Variants in DZANK1 observed in about 807,000 individuals in gnomAD.
The protein encoded by DZANK1 is double zinc ribbon and ankyrin repeat domains 1, also known as double zinc ribbon and ankyrin repeat-containing protein 1.
Under a neutral mutation model 94.5 loss-of-function variants are expected in DZANK1, and 91 were observed. That is an observed-to-expected ratio of 0.96 (90% confidence interval 0.81 to 1.15). The LOEUF (loss-of-function observed/expected upper bound fraction) is 1.15. Among genes scored for constraint, DZANK1 ranks in the 50% most tolerant of loss-of-function variants. The pLI is 0.00. For synonymous variants in DZANK1, 312 were observed against 325.3 expected (o/e 0.96, Z 0.44); for missense variants, 903 against 916.4 (o/e 0.99, Z 0.19).
chr20:18,391,858 G>T (rs1320018858), intron 17 of DZANK1, among the ~76,000 whole-genome samples: 1 of 152,228 alleles, frequency 6.6e-6, no homozygotes, highest in African/African-American at 2.4e-5. Context: ...TCTTACTGAT[G>T]AATAGCTTAG....
intron 8 of DZANK1, among the ~76,000 whole-genome samples, chr20:18,438,900 G>C (rs765652965): frequency 4.9e-4 from 74 of 152,258 alleles, no homozygotes; most frequent in Non-Finnish European, 8.8e-4. Context: ...CATTCATAAG[G>C]GGTTCATCAT....
chr20:18,452,772 C>A, intron 5 of DZANK1, 33 bp from the exon 6 acceptor site: 3 of 1,528,806 alleles, frequency 2.0e-6, no homozygotes, highest in South Asian at 2.5e-5. Context: ...ATTCTTTGAG[C>A]ATCTGTAATT....
chr20:18,416,293 C>T (rs1272712558), intron 10 of DZANK1, among the ~76,000 whole-genome samples: 2 of 152,194 alleles, frequency 1.3e-5, no homozygotes, highest in Non-Finnish European at 2.9e-5. Flanking sequence ...GAGTTTCAGA[C>T]GATTACCCAC....
chr20:18,454,184 T>A (rs2059203929), intron 4 of DZANK1: 2 of 374,460 alleles, frequency 5.3e-6, no homozygotes, highest in Non-Finnish European at 1.0e-5. Flanking sequence ...ATCAGACTTC[T>A]GCACACCACC....
chr20:18,453,600 A>G (rs2059181585), intron 5 of DZANK1, 131 bp downstream of exon 5: 1 of 659,018 alleles, frequency 1.5e-6, no homozygotes, highest in Non-Finnish European at 2.7e-6. Flanking sequence ...TTCAAAGTAC[A>G]GCATACTTTC....
intron 17 of DZANK1, among the ~76,000 whole-genome samples, chr20:18,393,366 C>T (rs1050186505): frequency 2.0e-5 from 3 of 152,200 alleles, no homozygotes; most frequent in Non-Finnish European, 4.4e-5. Flanking sequence ...TCATGCTGGG[C>T]ACCAGGCCAG....
At chr20:18,424,003 A>G (rs1253366219) in intron 10 of DZANK1, among the ~76,000 whole-genome samples, 1 of 152,212 alleles carries the variant, frequency 6.6e-6, no homozygotes, top group Admixed American at 6.5e-5. Flanking sequence ...AGATCTAGCT[A>G]GATCTTGAAA....
chr20:18,423,906 A>C, intron 10 of DZANK1, among the ~76,000 whole-genome samples: 1 of 129,542 alleles, frequency 7.7e-6, no homozygotes, highest in Non-Finnish European at 1.8e-5. Context: ...AAACCCAAAG[A>C]AAAGAGAATA....
intron 17 of DZANK1, 144 bp downstream of exon 17, chr20:18,393,567 T>C (rs1030167123): frequency 8.6e-6 from 5 of 578,128 alleles, no homozygotes; most frequent in Admixed American, 3.2e-5. Context: ...TAAAGAAGTC[T>C]AAAGGACAAG....
Position 18,415,316 on chromosome 20 carries a change from A to G in DZANK1, c.1077+11T>C. 6.6e-7 allele frequency: 1 copy of G among 1,525,640 alleles called. No individual in the cohort carries two copies. The highest frequency in any genetic ancestry group is 1.4e-5 in the African/African-American group (1 of 71,310). The allele number at this position is 1,525,640 out of a possible 1,614,324, so 94.5% of individuals were successfully genotyped here. ...GCTCAGTATACAGAATCTCAGTTTT[A>G]AAATACCCACCATGGCTCCACACCA... On this transcript the variant is annotated intron_variant, in intron 11 of 20. Transcript: ENST00000262547.
intron 8 of DZANK1, among the ~76,000 whole-genome samples, chr20:18,438,226 AAAAAAAAAAAAAAGAAATAACAC>A (rs1444845069): frequency 8.9e-5 from 11 of 122,952 alleles, no homozygotes; most frequent in African/African-American, 3.0e-4. Context: ...CTCAAAAAAA[AAAAAAAAAAAAAAGAAATAACAC>A]AAAAGAAAGC....
intron 7 of DZANK1, among the ~76,000 whole-genome samples, chr20:18,447,572 C>A (rs988470590): frequency 6.6e-6 from 1 of 151,956 alleles, no homozygotes; most frequent in African/African-American, 2.4e-5. Flanking sequence ...AGGTGATCCG[C>A]CCACCTCAGC....
At chr20:18,452,630 G>A (rs754486115) in exon 6 of DZANK1, 2 of 1,592,062 alleles carry the variant, frequency 1.3e-6, no homozygotes, top group African/African-American at 2.7e-5. Context: ...ACTGGCGGGT[G>A]GGTGGTCTAG....
chr20:18,404,347 G>C (rs551945312), intron 13 of DZANK1, among the ~76,000 whole-genome samples: 2 of 152,148 alleles, frequency 1.3e-5, no homozygotes, highest in Non-Finnish European at 2.9e-5. Context: ...TAATGGCTAG[G>C]TGTGGTCAGG....
chr20:18,409,510 T>C (rs538216860), intron 13 of DZANK1, among the ~76,000 whole-genome samples: 124 of 151,520 alleles, frequency 8.2e-4, no homozygotes, highest in African/African-American at 2.9e-3. Flanking sequence ...CTTATGAAGT[T>C]CTTTAGGCTG....
chr20:18,424,198 C>T (rs1388675081), intron 10 of DZANK1, among the ~76,000 whole-genome samples: 3 of 152,028 alleles, frequency 2.0e-5, no homozygotes, highest in Non-Finnish European at 4.4e-5. Flanking sequence ...GCCTGTAATC[C>T]CAGCACTTTG....
In DZANK1 at chr20:18,426,051, C is replaced by CAATCA. The variant is rs202001451; in HGVS notation, c.954+1015_954+1016insTGATT. Among the ~76,000 whole-genome samples the CAATCA allele has an allele frequency of 2.4e-3, 361 of 152,218 alleles. 5 individuals are homozygous for CAATCA. The highest frequency in any genetic ancestry group is 0.02 in the Admixed American group (304 of 15,288). The stretch of plus-strand genomic sequence containing the variant: ...AAACTAGTACACACCCATTTGATAC[C>CAATCA]GGTAGACCAGGGGTCCCCAACCCCC... On this transcript the variant is annotated intron_variant, in intron 10 of 20. Coordinates refer to ENST00000262547, the Ensembl canonical transcript of DZANK1.
At chr20:18,453,868 C>A (rs2148767098) in intron 4 of DZANK1, 41 bp from the exon 5 acceptor site, 1 of 1,202,508 alleles carries the variant, frequency 8.3e-7, no homozygotes, top group East Asian at 2.3e-5. Flanking sequence ...TTGGTTATTC[C>A]CATGTGAGAA....
intron 20 of DZANK1, 129 bp downstream of exon 20, chr20:18,384,887 T>C: frequency 1.1e-6 from 1 of 885,330 alleles, no homozygotes; most frequent in Non-Finnish European, 1.7e-6. Flanking sequence ...CCGGAAGCCA[T>C]GGTGGGATGG....
Sources: allele counts gnomAD v4.1 joint callset (sites outside exome capture counted in the v4.1 genomes callset), GRCh38; gene constraint gnomAD v4.1.1; transcripts MANE v1.5; gene names NCBI Gene and HGNC (gene_info 2026-07-23, HGNC 2026-07-21).